Variants in OCM2 observed in about 807,000 individuals in gnomAD.
The protein encoded by OCM2 is oncomodulin 2.
A neutral mutation model predicts 13.6 loss-of-function variants in OCM2; 6 were observed. That is an observed-to-expected ratio of 0.44 (90% CI 0.24 to 0.87). The LOEUF (loss-of-function observed/expected upper bound fraction) is 0.87, where lower values mean the gene tolerates loss of function less well. OCM2 is among the 40% of genes least tolerant of loss of function. The pLI is 0.22. For synonymous variants in OCM2, 40 were observed against 50.7 expected, an observed-to-expected ratio of 0.79 and a Z score of 0.90; for missense variants, 118 against 136.8, an observed-to-expected ratio of 0.86 and a Z score of 0.68.
intron 3 of OCM2, among the ~76,000 whole-genome samples, chr7:97,986,223 T>C (rs1319368017): frequency 1.3e-5 from 2 of 152,220 alleles, no homozygotes; most frequent in African/African-American, 2.4e-5. Flanking sequence ...CGTGGTTATG[T>C]TTAAATAAGG....
At chr7:97,984,925 C>G (rs1043447407) in exon 4 of OCM2, 1 of 1,598,138 alleles carries the variant, frequency 6.3e-7, no homozygotes, top group African/African-American at 1.3e-5. Context: ...AGGTGATTAT[C>G]CCTTTCTCTC....
At chr7:97,990,016 T>TGGGG in intron 1 of OCM2, 28 bp downstream of exon 1, 131 of 1,083,706 alleles carry the variant, frequency 1.2e-4, no homozygotes, top group Non-Finnish European at 1.7e-4. Context: ...TGTGAGGAAA[T>TGGGG]CCCACCCCCG....
At chr7:97,988,811 TC>T (rs1247523638) in intron 1 of OCM2, among the ~76,000 whole-genome samples, 1 of 150,936 alleles carries the variant, frequency 6.6e-6, no homozygotes, top group African/African-American at 2.4e-5. Flanking sequence ...TGCCTCCCCC[TC>T]CCCCTGGCCC....
intron 1 of OCM2, among the ~76,000 whole-genome samples, chr7:97,989,173 C>G (rs1409485863): frequency 1.3e-5 from 2 of 151,786 alleles, no homozygotes; most frequent in Non-Finnish European, 1.5e-5. Flanking sequence ...TCAAGTGATG[C>G]ACCGGCCTTG....
rs143512193 is a variant in OCM2 at position 97,985,877 on chromosome 7, C to A, written c.305-894G>T. On this transcript the variant is annotated intron_variant, in intron 3 of 3. Transcript: ENST00000257627. ...GACTTGCTTTATATTTATTGGTAAG[C>A]TTTGTTTATTTGGAAATCCTTCATG... Among the ~76,000 whole-genome samples the A allele has an allele frequency of 1.8e-4, 28 of 151,882 alleles. No homozygotes were observed. The East Asian group carries it at 5.0e-3, about 27-fold the overall frequency.
intron 2 of OCM2, among the ~76,000 whole-genome samples, chr7:97,987,955 G>A (rs369314361): frequency 1.3e-5 from 2 of 152,210 alleles, no homozygotes; most frequent in Admixed American, 6.5e-5. Flanking sequence ...ACTTTGGGAG[G>A]CCAAGGCAGG....
At chr7:97,988,297 T>C in intron 2 of OCM2, 119 bp downstream of exon 2, 2 of 1,281,252 alleles carry the variant, frequency 1.6e-6, no homozygotes, top group East Asian at 4.9e-5. Context: ...TAATGATGCT[T>C]GGCCGAATGA....
At position 97,990,027 on chromosome 7, in the gene OCM2, C is replaced by T. The variant is rs1014656801; in HGVS notation, c.61+17G>A. On this transcript the variant is annotated intron_variant, in intron 1 of 3. Transcript: ENST00000257627. ...AAGCTGTGAGGAAATCCCACCCCCG[C>T]CCCACGTCCCCTCTACCTTGGCATT... 8 of 1,556,290 alleles carry T rather than the reference C, an allele frequency of 5.1e-6. No individual in the cohort carries two copies. The Admixed American group carries it at 1.3e-4, about 26-fold the overall frequency.
At chr7:97,990,016 T>TGCCCCCCCCCCCCCCCCCC in intron 1 of OCM2, 28 bp downstream of exon 1, 2 of 1,083,840 alleles carry the variant, frequency 1.8e-6, no homozygotes, top group Non-Finnish European at 1.4e-6. Context: ...TGTGAGGAAA[T>TGCCCCCCCCCCCCCCCCCC]CCCACCCCCG....
chr7:97,986,490 C>A (rs1794672824), intron 3 of OCM2, among the ~76,000 whole-genome samples: 1 of 152,146 alleles, frequency 6.6e-6, no homozygotes, highest in Non-Finnish European at 1.5e-5. Context: ...CTAGTGTATT[C>A]TAAAGCTCAA....
chr7:97,988,934 T>TTTCTTTC (rs34688169), intron 1 of OCM2, among the ~76,000 whole-genome samples: 645 of 47,838 alleles, frequency 0.013, 2 homozygotes, highest in African/African-American at 0.076. Context: ...TCTTTCTTTC[T>TTTCTTTC]TTTTTTTTTT....
chr7:97,987,228 C>T (rs1339325530), intron 2 of OCM2, 72 bp from the exon 3 acceptor site: 2 of 1,568,282 alleles, frequency 1.3e-6, no homozygotes, highest in Non-Finnish European at 1.7e-6. Flanking sequence ...TTTTGTTTTT[C>T]CTTTAAGCAT....
chr7:97,985,418 CA>C lies in OCM2; in HGVS notation c.305-436del, dbSNP rs60506626. 3.7e-3 allele frequency among the ~76,000 whole-genome samples: 329 copies of C among 89,678 alleles called. 1 individual carries two copies. The highest frequency in any genetic ancestry group is 0.01 in the African/African-American group (223 of 22,048). The allele number at this position is 89,678 out of a possible 152,430, so 58.8% of individuals were successfully genotyped here. On this transcript the variant is annotated intron_variant, in intron 3 of 3. Transcript: ENST00000257627. ...TGGGCGAGAGAGCCAGACTCCATCTCAAAAAAAAAAAAAAAAGAAAGAAAGA... is the reference window on the plus strand; with the variant it reads ...TGGGCGAGAGAGCCAGACTCCATCTCAAAAAAAAAAAAAAAGAAAGAAAGA...
intron 1 of OCM2, among the ~76,000 whole-genome samples, chr7:97,988,937 T>C (rs113369955): frequency 3.9e-5 from 5 of 128,420 alleles, no homozygotes; most frequent in South Asian, 2.6e-4. Flanking sequence ...TTCTTTCTTT[T>C]TTTTTTTTTT....
At chr7:97,990,016 T>TGGCGCG in intron 1 of OCM2, 28 bp downstream of exon 1, 1 of 1,083,840 alleles carries the variant, frequency 9.2e-7, no homozygotes, top group Non-Finnish European at 1.4e-6. Flanking sequence ...TGTGAGGAAA[T>TGGCGCG]CCCACCCCCG....
At chr7:97,988,881 T>C (rs1332209563) in intron 1 of OCM2, among the ~76,000 whole-genome samples, 1 of 151,732 alleles carries the variant, frequency 6.6e-6, no homozygotes, top group Non-Finnish European at 1.5e-5. Flanking sequence ...TAGGGGGAAA[T>C]GCAATCACTG....
At chr7:97,986,088 A>G (rs997573715) in intron 3 of OCM2, among the ~76,000 whole-genome samples, 1 of 151,690 alleles carries the variant, frequency 6.6e-6, no homozygotes, top group African/African-American at 2.4e-5. Context: ...AATTTTTTAT[A>G]TTTTCAATAG....
chr7:97,985,318 C>A (rs1794659030), intron 3 of OCM2, among the ~76,000 whole-genome samples: 1 of 151,014 alleles, frequency 6.6e-6, no homozygotes, highest in African/African-American at 2.4e-5. Context: ...ACTTGGGAGG[C>A]TGAGGCGGGA....
rs139724916 is a variant in OCM2 at position 97,987,124 on chromosome 7, C to G, written c.227G>C (p.Arg76Thr). The G allele has an allele frequency of 5.6e-5, 91 of 1,613,848 alleles. No individual in the cohort carries two copies. The African/African-American group carries it at 9.9e-4, about 17-fold the overall frequency. ...CTTGGTTTCTGACTCGGTCAGTTCT[C>G]TGGCACCACTCTCAAACTTCTGGAG... The change falls in exon 3 of 4, where the codon AGA (arginine) becomes ACA (threonine). Residue 76 changes from arginine (R) to threonine (T), a missense_variant. Transcript: ENST00000257627.
Sources: gnomAD v4.1 joint callset for allele counts (sites outside exome capture counted in the v4.1 genomes callset) on GRCh38, gnomAD v4.1.1 for gene constraint, MANE v1.5 for transcripts, NCBI Gene and HGNC (gene_info 2026-07-23, HGNC 2026-07-21) for gene names.